Variants in PCDH9 observed in about 807,000 individuals in gnomAD.
PCDH9 encodes the protein protocadherin 9, also known as protocadherin-9.
In PCDH9, 24 loss-of-function variants were observed where a neutral mutation model predicts 70.6. The observed-to-expected ratio is 0.34, with a 90% CI of 0.25 to 0.48. The LOEUF is 0.48. Ranked by LOEUF, PCDH9 falls within the 20% of genes least tolerant of loss-of-function variation. The pLI is 0.99. For missense variants in PCDH9, 1,281 were observed against 1,503.6 expected (o/e 0.85, Z 2.45); for synonymous variants, 562 against 558.5 (o/e 1.01, Z -0.09).
chr13:66,980,505 A>T (rs1312489497), intron 2 of PCDH9, among the ~76,000 whole-genome samples: 2 of 152,140 alleles, frequency 1.3e-5, no homozygotes, highest in South Asian at 4.1e-4. Flanking sequence ...AGAAATTTTT[A>T]TCTATCCTTC....
At chr13:66,872,994 T>C in intron 3 of PCDH9, among the ~76,000 whole-genome samples, 1 of 152,188 alleles carries the variant, frequency 6.6e-6, no homozygotes, top group East Asian at 1.9e-4. Context: ...TTATTTTTAA[T>C]TTATAAGTCT....
chr13:66,589,081 C>T (rs962288490), intron 4 of PCDH9, among the ~76,000 whole-genome samples: 3 of 151,984 alleles, frequency 2.0e-5, no homozygotes, highest in Admixed American at 1.3e-4. Flanking sequence ...TATCTCTCAA[C>T]TAGTTCCAAA....
At chr13:66,521,880 T>A (rs1388818240) in intron 4 of PCDH9, among the ~76,000 whole-genome samples, 1 of 151,916 alleles carries the variant, frequency 6.6e-6, no homozygotes, top group East Asian at 1.9e-4. Flanking sequence ...ATGATTCTGT[T>A]TGTGTGTGCA....
At chr13:66,721,532 T>C (rs1256431312) in intron 3 of PCDH9, among the ~76,000 whole-genome samples, 1 of 152,068 alleles carries the variant, frequency 6.6e-6, no homozygotes, top group African/African-American at 2.4e-5. Flanking sequence ...TGAGCGTGGA[T>C]ATTTTAGTGT....
intron 3 of PCDH9, among the ~76,000 whole-genome samples, chr13:66,685,350 T>C (rs1392942147): frequency 6.6e-6 from 1 of 152,226 alleles, no homozygotes; most frequent in Non-Finnish European, 1.5e-5. Flanking sequence ...GGCTTCCACA[T>C]GGTGTTGGGC....
chr13:67,108,470 A>C (rs2086591577), intron 2 of PCDH9, among the ~76,000 whole-genome samples: 1 of 152,242 alleles, frequency 6.6e-6, no homozygotes, highest in African/African-American at 2.4e-5. Context: ...TAAAAAACTC[A>C]TGACAAAGCA....
intron 4 of PCDH9, among the ~76,000 whole-genome samples, chr13:66,592,559 T>G (rs2138820316): frequency 6.6e-6 from 1 of 151,914 alleles, no homozygotes; most frequent in South Asian, 2.1e-4. Flanking sequence ...TTTCTGTGAT[T>G]TTTCTCTTCT....
chr13:66,312,309 A>G (rs1955575397), intron 4 of PCDH9, among the ~76,000 whole-genome samples: 1 of 152,204 alleles, frequency 6.6e-6, no homozygotes, highest in South Asian at 2.1e-4. Context: ...TCATTTCAGT[A>G]AAGAAAAGCC....
intron 3 of PCDH9, among the ~76,000 whole-genome samples, chr13:66,785,231 T>C (rs1367858733): frequency 6.6e-6 from 1 of 152,082 alleles, no homozygotes; most frequent in African/African-American, 2.4e-5. Context: ...GTCTAATGTT[T>C]CACTAAAATA....
At chr13:66,535,314 A>G (rs970753590) in intron 4 of PCDH9, among the ~76,000 whole-genome samples, 11 of 152,098 alleles carry the variant, frequency 7.2e-5, no homozygotes, top group African/African-American at 2.7e-4. Context: ...ACAGGAATAA[A>G]ATGTTCTCTT....
chr13:66,471,660 C>T (rs1049393739), intron 4 of PCDH9, among the ~76,000 whole-genome samples: 1 of 151,968 alleles, frequency 6.6e-6, no homozygotes, highest in South Asian at 2.1e-4. Flanking sequence ...TAATTATTAT[C>T]TTTTTTCACA....
At chr13:66,457,224 T>C (rs1352090949) in intron 4 of PCDH9, among the ~76,000 whole-genome samples, 1 of 152,148 alleles carries the variant, frequency 6.6e-6, no homozygotes, top group African/African-American at 2.4e-5. Flanking sequence ...CATTATGGCA[T>C]ATTCATATGT....
chr13:67,197,839 T>A (rs1404358474), intron 2 of PCDH9, among the ~76,000 whole-genome samples: 1 of 151,908 alleles, frequency 6.6e-6, no homozygotes, highest in Admixed American at 6.6e-5. Context: ...ACATATATTT[T>A]AAAAATCCTC....
In PCDH9 at chr13:66,609,942, T is replaced by G. The variant is rs544393636; in HGVS notation, c.3340+21268A>C. 1.3e-4 allele frequency among the ~76,000 whole-genome samples: 20 copies of G among 149,366 alleles called. No homozygotes were observed. In the South Asian group the frequency reaches 3.6e-3, roughly 27 times the overall value. ...GAACACTGATACCAGTAAGGAGAAA[T>G]AGCATTTCCTTCTTTTTTTTTTTTT... On this transcript the variant is annotated intron_variant, in intron 4 of 4. Transcript: ENST00000377865.
rs35868123 is a variant in PCDH9 at position 66,486,637 on chromosome 13, G to GA, written c.3340+144572dup. On this transcript the variant is annotated intron_variant, in intron 4 of 4. Coordinates refer to ENST00000377865, the MANE Select transcript of PCDH9 (RefSeq NM_203487.3). The stretch of plus-strand genomic sequence containing the variant: ...GAGGACAGAGTGAGATGCTATCTCA[G>GA]AAAAAAAAAAAAAAAAAAAGTATTT... Among the ~76,000 whole-genome samples the GA allele has an allele frequency of 1.3e-3, 149 of 116,084 alleles. 1 individual carries two copies. The highest frequency in any genetic ancestry group is 7.9e-3 in the South Asian group (28 of 3,566). 76.2% of individuals were successfully genotyped at this position (116,084 alleles called of 152,430 possible).
Position 66,304,740 on chromosome 13 carries a change from T to G in PCDH9, c.3629A>C (p.His1210Pro). 4 of 1,613,414 alleles carry G rather than the reference T, an allele frequency of 2.5e-6. No homozygotes were observed. Among genetic ancestry groups the G allele is most frequent in the Non-Finnish European group, 3.4e-6 (4 of 1,179,640 alleles). The change falls in exon 5 of 5, where the codon CAC becomes CCC. Residue 1210 changes from histidine to proline, a missense_variant. Coordinates refer to ENST00000377865, the MANE Select transcript of PCDH9 (RefSeq NM_203487.3). ...ATTTGCCAGAGGAATGTCTGTCATGTGGCTGCCATTGTTGAAATGGCCTTC... is the reference window on the plus strand; with the variant it reads ...ATTTGCCAGAGGAATGTCTGTCATGGGGCTGCCATTGTTGAAATGGCCTTC... ...SNEGHFNNGS[H>P]MTDIPLANLK... is the part of the protein sequence containing the mutation.
At chr13:67,064,268 C>T (rs1384256968) in intron 2 of PCDH9, among the ~76,000 whole-genome samples, 1 of 151,844 alleles carries the variant, frequency 6.6e-6, no homozygotes, top group Non-Finnish European at 1.5e-5. Flanking sequence ...CAAGTGGTTT[C>T]TCAGAAAATT....
At chr13:66,880,698 C>A (rs1171810452) in intron 3 of PCDH9, among the ~76,000 whole-genome samples, 1 of 152,124 alleles carries the variant, frequency 6.6e-6, no homozygotes, top group African/African-American at 2.4e-5. Flanking sequence ...GGATTCTTAG[C>A]TGCAACATGA....
intron 2 of PCDH9, among the ~76,000 whole-genome samples, chr13:67,066,423 G>A (rs921076498): frequency 5.9e-5 from 9 of 152,114 alleles, no homozygotes; most frequent in African/African-American, 1.7e-4. Context: ...TGGTAGAGAC[G>A]GGGTTTCACC....
Sources: allele counts gnomAD v4.1 joint callset (sites outside exome capture counted in the v4.1 genomes callset), GRCh38; gene constraint gnomAD v4.1.1; transcripts MANE v1.5; gene names NCBI Gene and HGNC (gene_info 2026-07-23, HGNC 2026-07-21).